Variants in IQCH observed in about 807,000 individuals in gnomAD.
IQCH encodes IQ motif containing H, also known as IQ domain-containing protein H.
A neutral mutation model predicts 117.0 loss-of-function variants in IQCH; 98 were observed. That is an observed-to-expected ratio of 0.84 (90% CI 0.71 to 0.99). IQCH has a LOEUF of 0.99. Among genes scored for constraint, IQCH ranks in the 50% least tolerant of loss-of-function variants. IQCH has a pLI of 0.00. For synonymous variants in IQCH, 412 were observed against 448.2 expected, an observed-to-expected ratio of 0.92 and a Z score of 1.02; for missense variants, 1,102 against 1,243.8, an observed-to-expected ratio of 0.89 and a Z score of 1.72.
chr15:67,353,162 A>T (rs944592362), intron 6 of IQCH, among the ~76,000 whole-genome samples: 4 of 151,294 alleles, frequency 2.6e-5, no homozygotes, highest in Admixed American at 1.3e-4. Flanking sequence ...AAAAATAAAG[A>T]AAAAAGAAAA....
chr15:67,277,132 C>T (rs1329728734), intron 3 of IQCH, among the ~76,000 whole-genome samples: 1 of 152,208 alleles, frequency 6.6e-6, no homozygotes, highest in African/African-American at 2.4e-5. Context: ...TAAAACAATG[C>T]TTTTTATTTC....
Position 67,296,103 on chromosome 15 carries a change from A to T in IQCH, c.387+16591A>T, listed in dbSNP as rs763848978. Among the ~76,000 whole-genome samples the T allele has an allele frequency of 3.3e-5, 5 of 152,338 alleles. No individual in the cohort carries two copies. In the Middle Eastern group the frequency reaches 0.014, roughly 415 times the overall value. ...GTCTGATTCCTCACATACCTTCAAG[A>T]AAGTAAGATCCACATGGGCAGGGAC... On this transcript the variant is annotated intron_variant, in intron 4 of 20. Transcript: ENST00000335894.
Position 67,384,620 on chromosome 15 carries a change from C to CATAT in IQCH, c.1373-314_1373-313insATAT, listed in dbSNP as rs941536914. Among the ~76,000 whole-genome samples, 3 of 152,030 alleles carry CATAT rather than the reference C, an allele frequency of 2.0e-5. No homozygotes were observed. The highest frequency in any genetic ancestry group is 1.3e-4 in the Admixed American group (2 of 15,246). ...TTAACCTGAGCATAATTTTCTTACA[C>CATAT]ATCCTTGTAAACATTCATATTGCAT... On this transcript the variant is annotated intron_variant, in intron 10 of 20. Coordinates refer to ENST00000335894, the MANE Select transcript of IQCH (RefSeq NM_001031715.3). The surrounding 1 kb of genome is among the most constrained non-coding windows in gnomAD (Gnocchi z 4.3).
intron 8 of IQCH, among the ~76,000 whole-genome samples, chr15:67,367,245 G>T (rs1193494190): frequency 1.3e-5 from 2 of 152,114 alleles, no homozygotes; most frequent in Admixed American, 6.5e-5. Context: ...TGTCAAATAA[G>T]AAAAAATGAG....
intron 16 of IQCH, among the ~76,000 whole-genome samples, chr15:67,438,826 G>A (rs1330704091): frequency 3.3e-5 from 5 of 152,142 alleles, no homozygotes; most frequent in Non-Finnish European, 5.9e-5. Context: ...GTTATATAAT[G>A]GTAAAGGACC....
chr15:67,345,120 C>A (rs988227209), intron 6 of IQCH, among the ~76,000 whole-genome samples: 2 of 152,060 alleles, frequency 1.3e-5, no homozygotes, highest in African/African-American at 4.8e-5. Flanking sequence ...CTCCCAAGTA[C>A]CTGTGATTAC....
Position 67,459,468 on chromosome 15 carries a change from G to A in IQCH, c.2506-5659G>A, listed in dbSNP as rs2082737740. ...GCTCTGCCACCCATTCATCCCGCCT[G>A]TCACCAGAAAGAGGCAGAAGCAGCA... On this transcript the variant is annotated intron_variant, in intron 16 of 20. Transcript: ENST00000335894. This position sits in a 1 kb window ranked among gnomAD's most constrained non-coding sequence, Gnocchi z 4.2. Among the ~76,000 whole-genome samples, 1 of 152,174 alleles carries A rather than the reference G, an allele frequency of 6.6e-6. No homozygotes were observed. The highest frequency in any genetic ancestry group is 2.1e-4 in the South Asian group (1 of 4,826).
At chr15:67,371,518 C>G (rs1214243342) in intron 8 of IQCH, 1 of 1,581,798 alleles carries the variant, frequency 6.3e-7, no homozygotes, top group South Asian at 1.2e-5. Flanking sequence ...TCAAGAGAAA[C>G]CTAAGAATGA....
chr15:67,417,076 T>C lies in IQCH; in HGVS notation c.2218+25T>C. On this transcript the variant is annotated intron_variant, in intron 15 of 20. Coordinates refer to ENST00000335894, the MANE Select transcript of IQCH (RefSeq NM_001031715.3). This position sits in a 1 kb window ranked among gnomAD's most constrained non-coding sequence, Gnocchi z 4.3. ...GGTAAATAAGACTGTAAAGTTTCTA[T>C]TGAGGATTAGTCTACACAACCTTGG... 1.3e-6 allele frequency: 2 copies of C among 1,585,702 alleles called. No individual in the cohort carries two copies. The highest frequency in any genetic ancestry group is 1.7e-6 in the Non-Finnish European group (2 of 1,167,358).
In IQCH at chr15:67,403,042, G is replaced by A. The variant is rs934847112; in HGVS notation, c.2097+2737G>A. 6.6e-6 allele frequency among the ~76,000 whole-genome samples: 1 copy of A among 152,184 alleles called. No homozygotes were observed. Among genetic ancestry groups the A allele is most frequent in the Non-Finnish European group, 1.5e-5 (1 of 68,036 alleles). ...GCGGGTGAATCACCTGAGGTCAGGA[G>A]TTCCAGGCCAGCCTGGCCAACATAG... On this transcript the variant is annotated intron_variant, in intron 14 of 20. Transcript: ENST00000335894. This position sits in a 1 kb window ranked among gnomAD's most constrained non-coding sequence, Gnocchi z 4.8.
chr15:67,350,488 G>T (rs1017605639), intron 6 of IQCH, among the ~76,000 whole-genome samples: 2 of 152,014 alleles, frequency 1.3e-5, no homozygotes, highest in African/African-American at 4.8e-5. Context: ...GTGCAGTGGT[G>T]TGATCTCGGT....
chr15:67,344,307 T>A, intron 6 of IQCH, 116 bp downstream of exon 6: 1 of 808,234 alleles, frequency 1.2e-6, no homozygotes, highest in Non-Finnish European at 1.9e-6. Context: ...ATGAAAGTTG[T>A]AATCATCCTG....
rs554481162 is a variant in IQCH, at chr15:67,384,149, A to G, written c.1373-787A>G. On this transcript the variant is annotated intron_variant, in intron 10 of 20. Coordinates refer to ENST00000335894, the MANE Select transcript of IQCH (RefSeq NM_001031715.3). This position sits in a 1 kb window ranked among gnomAD's most constrained non-coding sequence, Gnocchi z 4.3. ...TGAAGAAAAAAAAAGTTACACCTAC[A>G]GTTGTTGAATTTCATATAAGCAGTT... is the stretch of plus-strand genomic sequence containing the variant. 6.6e-6 allele frequency among the ~76,000 whole-genome samples: 1 copy of G among 152,304 alleles called. No individual in the cohort carries two copies. The highest frequency in any genetic ancestry group is 2.4e-5 in the African/African-American group (1 of 41,578).
intron 14 of IQCH, among the ~76,000 whole-genome samples, chr15:67,410,522 G>A (rs2081422830): frequency 6.6e-6 from 1 of 152,192 alleles, no homozygotes; most frequent in Admixed American, 6.5e-5. Context: ...GCATAAAGCT[G>A]CTTTCTCAGA....
rs1214951144 is a variant in IQCH at position 67,453,129 on chromosome 15, AT to A, written c.2506-11990del. ...GTTATTCTAGTTATCCATTCGTCTA[AT>A]TTTTTTTCAAAGCTTTTAACTTCTT... On this transcript the variant is annotated intron_variant, in intron 16 of 20. Coordinates refer to ENST00000335894, the MANE Select transcript of IQCH (RefSeq NM_001031715.3). This position sits in a 1 kb window ranked among gnomAD's most constrained non-coding sequence, Gnocchi z 5.8. 2.0e-5 allele frequency among the ~76,000 whole-genome samples: 3 copies of A among 151,762 alleles called. 1 individual carries two copies. The highest frequency in any genetic ancestry group is 7.3e-5 in the African/African-American group (3 of 41,358).
At chr15:67,287,843 A>G (rs1209920546) in intron 4 of IQCH, among the ~76,000 whole-genome samples, 2 of 151,718 alleles carry the variant, frequency 1.3e-5, no homozygotes, top group African/African-American at 4.8e-5. Context: ...TATTTATTTG[A>G]AGCTTTCCTT....
chr15:67,322,256 CAT>C (rs1267451977), intron 4 of IQCH, among the ~76,000 whole-genome samples: 2 of 152,168 alleles, frequency 1.3e-5, no homozygotes, highest in African/African-American at 4.8e-5. Flanking sequence ...TTTCCTCTCT[CAT>C]AGTTCTTTTT....
chr15:67,421,517 G>C lies in IQCH; in HGVS notation c.2445G>C (p.Val815=). ...QIGKACRMRD[V]VGYFSIDLVT... is the part of the protein sequence containing the mutation. Reference sequence around the variant, plus strand: ...GAAAAGCCTGCAGAATGAGAGATGTGGTTGGTTACTTTTCGATAGATCTGG... The same window carrying C: ...GAAAAGCCTGCAGAATGAGAGATGTCGTTGGTTACTTTTCGATAGATCTGG... The change falls in exon 16 of 21, where the codon GTG becomes GTC. Residue 815 remains valine (V), a synonymous_variant. Transcript: ENST00000335894. 1 of 1,614,150 alleles carries C rather than the reference G, an allele frequency of 6.2e-7. No homozygotes were observed. The highest frequency in any genetic ancestry group is 8.5e-7 in the Non-Finnish European group (1 of 1,180,022).
At chr15:67,351,583 A>G (rs1336406481) in intron 6 of IQCH, among the ~76,000 whole-genome samples, 1 of 152,144 alleles carries the variant, frequency 6.6e-6, no homozygotes, top group Non-Finnish European at 1.5e-5. Flanking sequence ...GTAATGCCAA[A>G]CTGTCTTTTA....
Sources: gnomAD v4.1 joint callset for allele counts (sites outside exome capture counted in the v4.1 genomes callset) on GRCh38, gnomAD v4.1.1 for gene constraint, Gnocchi (gnomAD v3.1) non-coding constraint, MANE v1.5 for transcripts, NCBI Gene and HGNC (gene_info 2026-07-23, HGNC 2026-07-21) for gene names.